Variants in DIP2C observed in about 807,000 individuals in gnomAD.
The protein encoded by DIP2C is disco-interacting protein 2 homolog C.
DIP2C carries 33 observed loss-of-function variants against 192.4 expected under a neutral mutation model. That is an observed-to-expected ratio of 0.17 (90% CI 0.13 to 0.23). DIP2C has a LOEUF of 0.23. Ranked by LOEUF, DIP2C falls within the 10% of genes least tolerant of loss-of-function variation. DIP2C has a pLI of 1.00. For synonymous variants in DIP2C, 979 were observed against 864.1 expected (o/e 1.13, Z -2.33); for missense variants, 1,537 against 2,110.1 (o/e 0.73, Z 5.32).
intron 1 of DIP2C, among the ~76,000 whole-genome samples, chr10:533,361 A>AG (rs535627909): frequency 1.2e-3 from 187 of 152,300 alleles, no homozygotes; most frequent in African/African-American, 4.0e-3. Flanking sequence ...GCAGGTGCTC[A>AG]GGGGGACACA....
intron 1 of DIP2C, among the ~76,000 whole-genome samples, chr10:509,011 C>G (rs532815423): frequency 6.6e-6 from 1 of 152,314 alleles, no homozygotes; most frequent in East Asian, 1.9e-4. Flanking sequence ...TTCAGCCTGT[C>G]CTCGCTAGAA....
intron 1 of DIP2C, among the ~76,000 whole-genome samples, chr10:582,441 G>A (rs1292370553): frequency 6.6e-6 from 1 of 152,224 alleles, no homozygotes; most frequent in Non-Finnish European, 1.5e-5. Context: ...AAGTTAGCCA[G>A]GCATGCTGGT....
intron 1 of DIP2C, among the ~76,000 whole-genome samples, chr10:679,628 C>G (rs1451563593): frequency 6.7e-6 from 1 of 148,916 alleles, no homozygotes; most frequent in Non-Finnish European, 1.5e-5. Context: ...CTCCCTATGC[C>G]CATGCTCCCC....
intron 1 of DIP2C, among the ~76,000 whole-genome samples, chr10:567,343 C>A (rs747891692): frequency 6.6e-6 from 1 of 152,110 alleles, no homozygotes. Flanking sequence ...AGGTGCATGC[C>A]ACCACACCCA....
At chr10:423,563 G>A (rs1473189687) in intron 4 of DIP2C, among the ~76,000 whole-genome samples, 2 of 152,006 alleles carry the variant, frequency 1.3e-5, no homozygotes, top group Non-Finnish European at 2.9e-5. Context: ...TTATTTCTAT[G>A]TCAGTGTGTT....
At chr10:433,138 T>C (rs950223147) in intron 4 of DIP2C, among the ~76,000 whole-genome samples, 1 of 152,244 alleles carries the variant, frequency 6.6e-6, no homozygotes, top group Non-Finnish European at 1.5e-5. Flanking sequence ...ATTTCAATTT[T>C]GTCCTTACTG....
chr10:588,434 AC>A (rs1311869651), intron 1 of DIP2C, among the ~76,000 whole-genome samples: 3 of 152,228 alleles, frequency 2.0e-5, no homozygotes, highest in Non-Finnish European at 4.4e-5. Flanking sequence ...TCTCAAGGGA[AC>A]CTGAGGCTCC....
At chr10:351,621 A>T (rs996498028) in intron 24 of DIP2C, among the ~76,000 whole-genome samples, 1 of 152,192 alleles carries the variant, frequency 6.6e-6, no homozygotes, top group African/African-American at 2.4e-5. Context: ...TAGAAAACAG[A>T]AACTGATTTA....
At chr10:486,090 G>T (rs1300121897) in intron 2 of DIP2C, among the ~76,000 whole-genome samples, 1 of 152,232 alleles carries the variant, frequency 6.6e-6, no homozygotes, top group Non-Finnish European at 1.5e-5. Context: ...GATTTGGCCT[G>T]TGCCACCAAC....
Position 651,011 on chromosome 10 carries a change from GC to G in DIP2C, c.85+38482del. ...CATCTCTCCCGGTGCCAGGGCTCAG[GC>G]CCCAGCCCCCGTTTCTGCAGAAGCC... On this transcript the variant is annotated intron_variant, in intron 1 of 36. Transcript: ENST00000280886. The surrounding 1 kb of genome is among the most constrained non-coding windows in gnomAD (Gnocchi z 4.1). 1 of 717,382 alleles carries G rather than the reference GC, an allele frequency of 1.4e-6. No individual in the cohort carries two copies. Among genetic ancestry groups the G allele is most frequent in the South Asian group, 1.5e-5 (1 of 67,586 alleles). 44.4% of individuals were successfully genotyped at this position (717,382 alleles called of 1,614,324 possible).
At chr10:279,870 A>T (rs1391879597) in intron 36 of DIP2C, among the ~76,000 whole-genome samples, 1 of 152,266 alleles carries the variant, frequency 6.6e-6, no homozygotes, top group East Asian at 1.9e-4. Flanking sequence ...AGAGGGCACC[A>T]GCGAGGCCCT....
In DIP2C at chr10:414,034, C is replaced by G. The variant is rs774975628; in HGVS notation, c.936G>C (p.Val312=). 14 of 1,614,020 alleles carry G rather than the reference C, an allele frequency of 8.7e-6. No individual in the cohort carries two copies. The highest frequency in any genetic ancestry group is 1.2e-5 in the Non-Finnish European group (14 of 1,180,000). The change falls in exon 8 of 37, where the codon GTG becomes GTC. Residue 312 remains valine (V), a synonymous_variant. Coordinates refer to ENST00000280886, the MANE Select transcript of DIP2C (RefSeq NM_014974.3). ...MLAMRGEQLG[V]VTNWPPSLEA... is the part of the protein sequence containing the mutation. Reference sequence around the variant, plus strand: ...CCAGCGACGGCGGCCAGTTCGTGACCACGCCCAGCTGCTCTCCGCGCATGG... The same window carrying G: ...CCAGCGACGGCGGCCAGTTCGTGACGACGCCCAGCTGCTCTCCGCGCATGG...
At chr10:512,850 G>A (rs1846102502) in intron 1 of DIP2C, among the ~76,000 whole-genome samples, 1 of 145,488 alleles carries the variant, frequency 6.9e-6, no homozygotes, top group African/African-American at 2.5e-5. Flanking sequence ...GGAGGTGGAA[G>A]TTGCAGTGAG....
chr10:468,823 G>A (rs1004979674), intron 3 of DIP2C, among the ~76,000 whole-genome samples: 11 of 152,046 alleles, frequency 7.2e-5, no homozygotes, highest in Middle Eastern at 3.2e-3. Context: ...AAACTACAAC[G>A]GCATCCATGG....
chr10:574,509 G>A (rs530697715), intron 1 of DIP2C, among the ~76,000 whole-genome samples: 7 of 152,250 alleles, frequency 4.6e-5, no homozygotes, highest in South Asian at 2.1e-4. Context: ...CCAGCTAAAT[G>A]GAAACAGGGT....
At chr10:670,369 TGCACACAC>T in intron 1 of DIP2C, among the ~76,000 whole-genome samples, 1 of 152,014 alleles carries the variant, frequency 6.6e-6, no homozygotes, top group South Asian at 2.1e-4. Flanking sequence ...CATACACACA[TGCACACAC>T]ATGCATGTGT....
intron 1 of DIP2C, among the ~76,000 whole-genome samples, chr10:518,895 C>T (rs1275127506): frequency 1.3e-5 from 2 of 152,208 alleles, no homozygotes; most frequent in Non-Finnish European, 2.9e-5. Flanking sequence ...CATTTTAGAC[C>T]AGCCCCTCGA....
chr10:279,845 G>A lies in DIP2C; in HGVS notation c.4418+1355C>T, dbSNP rs116337814. On this transcript the variant is annotated intron_variant, in intron 36 of 36. Coordinates refer to ENST00000280886, the MANE Select transcript of DIP2C (RefSeq NM_014974.3). ...ACATTTGTTACAGAATAAGCACCAC[G>A]GTCTAGAAGCCCACAGAGGGCACCA... Among the ~76,000 whole-genome samples the A allele has an allele frequency of 2.1e-3, 316 of 152,342 alleles. 1 individual carries two copies. The highest frequency in any genetic ancestry group is 7.0e-3 in the African/African-American group (291 of 41,568).
intron 1 of DIP2C, among the ~76,000 whole-genome samples, chr10:573,998 A>T (rs1259906194): frequency 6.6e-6 from 1 of 152,208 alleles, no homozygotes; most frequent in Non-Finnish European, 1.5e-5. Flanking sequence ...CACTTTCCTC[A>T]ACGGGAACAC....
Sources: gnomAD v4.1 joint callset for allele counts (sites outside exome capture counted in the v4.1 genomes callset) on GRCh38, gnomAD v4.1.1 for gene constraint, Gnocchi (gnomAD v3.1) non-coding constraint, MANE v1.5 for transcripts, NCBI Gene and HGNC (gene_info 2026-07-23, HGNC 2026-07-21) for gene names.